The following ARHGEF26 variants were observed in gnomAD, a reference collection of about 807,000 sequenced individuals.
ARHGEF26 encodes Rho guanine nucleotide exchange factor (GEF) 26.
ARHGEF26 carries 59 observed loss-of-function variants against 89.4 expected under a neutral mutation model. The ratio of observed to expected loss-of-function variants is 0.66; its 90% CI spans 0.54 to 0.82. The LOEUF (loss-of-function observed/expected upper bound fraction) is 0.82, where lower values mean the gene tolerates loss of function less well. Among genes scored for constraint, ARHGEF26 ranks in the 40% least tolerant of loss-of-function variants. The probability of loss-of-function intolerance (pLI) is 0.00; values close to 1 mark genes in which losing one functional copy is unlikely to be tolerated. For missense variants in ARHGEF26, 1,234 were observed against 1,085.6 expected (o/e 1.14, Z -1.92); for synonymous variants, 500 against 428.4 (o/e 1.17, Z -2.06).
At chr3:154,161,576 A>T (rs1357317384) in intron 6 of ARHGEF26, among the ~76,000 whole-genome samples, 1 of 152,176 alleles carries the variant, frequency 6.6e-6, no homozygotes, top group African/African-American at 2.4e-5. Context: ...TGACTTTTGT[A>T]AATATATGCC....
intron 12 of ARHGEF26, among the ~76,000 whole-genome samples, chr3:154,246,032 A>G (rs1369568471): frequency 1.3e-5 from 2 of 152,204 alleles, no homozygotes; most frequent in African/African-American, 2.4e-5. Context: ...TTCATGATCC[A>G]GTTAAAAATA....
intron 6 of ARHGEF26, among the ~76,000 whole-genome samples, chr3:154,174,395 CTG>C (rs1473372190): frequency 1.1e-4 from 16 of 152,186 alleles, no homozygotes; most frequent in African/African-American, 3.9e-4. Flanking sequence ...CCGAAGCACA[CTG>C]TGTTGGCTTG....
chr3:154,187,565 GTTGGTAC>G, intron 6 of ARHGEF26, 113 bp from the exon 7 acceptor site: 1 of 697,192 alleles, frequency 1.4e-6, no homozygotes, highest in Non-Finnish European at 2.1e-6. Flanking sequence ...ATATTTTTTA[GTTGGTAC>G]TGTGTACTGT....
intron 6 of ARHGEF26, among the ~76,000 whole-genome samples, chr3:154,177,951 A>G (rs1712930215): frequency 6.6e-6 from 1 of 152,204 alleles, no homozygotes; most frequent in South Asian, 2.1e-4. Context: ...ACCTGTAACA[A>G]TCCCAGCACT....
At chr3:154,195,044 A>T (rs1427123010) in intron 9 of ARHGEF26, among the ~76,000 whole-genome samples, 1 of 152,214 alleles carries the variant, frequency 6.6e-6, no homozygotes. Context: ...TTGGAAATGC[A>T]GTGATGAGTG....
At chr3:154,228,148 T>TC (rs1209692781) in intron 11 of ARHGEF26, among the ~76,000 whole-genome samples, 1 of 151,788 alleles carries the variant, frequency 6.6e-6, no homozygotes, top group Admixed American at 6.6e-5. Flanking sequence ...TTTTTTTTTT[T>TC]TTTTGAGACG....
chr3:154,132,596 A>T (rs1718748044), intron 4 of ARHGEF26, among the ~76,000 whole-genome samples: 1 of 152,094 alleles, frequency 6.6e-6, no homozygotes, highest in African/African-American at 2.4e-5. Flanking sequence ...CAATGTCAGG[A>T]TGTTTCTCAA....
chr3:154,180,414 T>G (rs1713107568), intron 6 of ARHGEF26, among the ~76,000 whole-genome samples: 1 of 151,710 alleles, frequency 6.6e-6, no homozygotes, highest in Non-Finnish European at 1.5e-5. Flanking sequence ...TGACATGACT[T>G]CTTCCTCACA....
intron 8 of ARHGEF26, among the ~76,000 whole-genome samples, chr3:154,193,043 T>A (rs1714047320): frequency 6.8e-6 from 1 of 146,674 alleles, no homozygotes; most frequent in African/African-American, 2.6e-5. Context: ...AAACTTTTTT[T>A]AAGCCACAGA....
intron 6 of ARHGEF26, among the ~76,000 whole-genome samples, chr3:154,160,962 G>A (rs1303833326): frequency 6.6e-6 from 1 of 152,096 alleles, no homozygotes; most frequent in Non-Finnish European, 1.5e-5. Flanking sequence ...CAGCAGCAGG[G>A]CAGCATTGGT....
At chr3:154,212,101 G>A (rs185848287) in intron 9 of ARHGEF26, among the ~76,000 whole-genome samples, 109 of 152,266 alleles carry the variant, frequency 7.2e-4, no homozygotes, top group African/African-American at 2.6e-3. Flanking sequence ...CACTTTGGGA[G>A]GCTGAGGTAG....
Position 154,225,914 on chromosome 3 carries a change from A to G in ARHGEF26, c.1994A>G (p.Tyr665Cys), listed in dbSNP as rs374889592. ...GTAAAAAGAGGTGAATTGACAGCCT[A>G]TGTTGAAGACACTGTGCTTTTCTCA... ...WLVKRGELTA[Y>C]VEDTVLFSRR... Residue 665 changes from tyrosine to cysteine, a missense_variant, in exon 11 of 15, where the codon TAT (tyrosine) becomes TGT (cysteine). By Grantham distance (194) the Tyr-to-Cys change is radical. Transcript: ENST00000465093. 1.1e-5 allele frequency: 17 copies of G among 1,612,096 alleles called. No individual in the cohort carries two copies. The highest frequency in any genetic ancestry group is 2.7e-5 in the African/African-American group (2 of 74,788).
chr3:154,128,851 T>C (rs1227814103), intron 3 of ARHGEF26, among the ~76,000 whole-genome samples: 1 of 152,222 alleles, frequency 6.6e-6, no homozygotes, highest in Non-Finnish European at 1.5e-5. Context: ...CTCCCAGCGC[T>C]TTCTACCCCC....
chr3:154,174,056 A>G (rs941830818), intron 6 of ARHGEF26, among the ~76,000 whole-genome samples: 10 of 152,216 alleles, frequency 6.6e-5, no homozygotes, highest in African/African-American at 2.4e-4. Flanking sequence ...GAATTCAGAC[A>G]AGATCTGACT....
chr3:154,170,357 T>C (rs893018624), intron 6 of ARHGEF26, among the ~76,000 whole-genome samples: 5 of 152,052 alleles, frequency 3.3e-5, no homozygotes, highest in African/African-American at 1.2e-4. Context: ...TGAGAGCCTG[T>C]CTCAAAAGAA....
chr3:154,194,921 A>G (rs925825683), intron 9 of ARHGEF26, among the ~76,000 whole-genome samples: 3 of 152,222 alleles, frequency 2.0e-5, no homozygotes, highest in Admixed American at 6.5e-5. Context: ...GTTTTGTTTT[A>G]AGAGCCTACA....
At chr3:154,239,266 GAGAGAGA>G (rs1717317944) in intron 11 of ARHGEF26, among the ~76,000 whole-genome samples, 5 of 102,564 alleles carry the variant, frequency 4.9e-5, no homozygotes, top group African/African-American at 2.1e-4. Flanking sequence ...GAGAGGGAGA[GAGAGAGA>G]GAGAGAGAGA....
chr3:154,154,026 A>G (rs1446014098), intron 6 of ARHGEF26, among the ~76,000 whole-genome samples: 1 of 152,160 alleles, frequency 6.6e-6, no homozygotes, highest in Non-Finnish European at 1.5e-5. Context: ...TAATTCATTA[A>G]GGATTGTAAA....
At position 154,152,764 on chromosome 3, in the gene ARHGEF26, C is replaced by A; in HGVS notation, c.1327-8C>A. ...ATTAATAATACATTTCTTTTTCCTT[C>A]TTACCAGGCTATCTTTGAAGTCATA... On this transcript the variant is annotated splice_region_variant and splice_polypyrimidine_tract_variant and intron_variant, in intron 5 of 14. Transcript: ENST00000465093. The A allele has an allele frequency of 6.9e-7, 1 of 1,455,804 alleles. No homozygotes were observed. The highest frequency in any genetic ancestry group is 1.6e-5 in the South Asian group (1 of 63,952). The allele number at this position is 1,455,804 out of a possible 1,614,324, so 90.2% of individuals were successfully genotyped here.
Sources: gnomAD v4.1 joint callset for allele counts (sites outside exome capture counted in the v4.1 genomes callset) on GRCh38, gnomAD v4.1.1 for gene constraint, MANE v1.5 for transcripts, NCBI Gene and HGNC (gene_info 2026-07-23, HGNC 2026-07-21) for gene names.